The following TNKS1BP1 variants were observed in gnomAD, a reference collection of about 807,000 sequenced individuals.
The protein encoded by TNKS1BP1 is 182 kDa tankyrase-1-binding protein.
TNKS1BP1 carries 48 observed loss-of-function variants against 141.1 expected under a neutral mutation model. The ratio of observed to expected loss-of-function variants is 0.34; its 90% CI spans 0.27 to 0.43. TNKS1BP1 has a LOEUF of 0.43. TNKS1BP1 is among the 20% of genes least tolerant of loss of function. The pLI is 1.00. For missense variants in TNKS1BP1, 2,149 were observed against 2,226.0 expected (o/e 0.97, Z 0.70); for synonymous variants, 875 against 898.2 (o/e 0.97, Z 0.46).
At chr11:57,315,446 G>A (rs1379628862) in intron 4 of TNKS1BP1, among the ~76,000 whole-genome samples, 1 of 151,908 alleles carries the variant, frequency 6.6e-6, no homozygotes. Flanking sequence ...TTTAAATACA[G>A]CTCTCCAATA....
chr11:57,303,300 A>C (rs117326032), intron 6 of TNKS1BP1: 6,794 of 154,248 alleles, frequency 0.044, 245 homozygotes, highest in Non-Finnish European at 0.051. Flanking sequence ...TTCAGCCCCC[A>C]CGTTATGCCT....
chr11:57,300,264 G>C (rs1057215841), intron 11 of TNKS1BP1, among the ~76,000 whole-genome samples, 183 bp from the exon 12 acceptor site: 3 of 152,182 alleles, frequency 2.0e-5, no homozygotes, highest in Non-Finnish European at 2.9e-5. Context: ...AGCATGGGGG[G>C]ACTGTCCCTG....
chr11:57,322,503 C>G (rs1855904493), intron 1 of TNKS1BP1, among the ~76,000 whole-genome samples: 1 of 152,192 alleles, frequency 6.6e-6, no homozygotes, highest in East Asian at 1.9e-4. Context: ...GCCCCACTCT[C>G]TCCCCTCCCT....
At position 57,302,342 on chromosome 11, in the gene TNKS1BP1, G is replaced by T; in HGVS notation, c.4683+117C>A. 1 of 1,538,268 alleles carries T rather than the reference G, an allele frequency of 6.5e-7. No homozygotes were observed. The highest frequency in any genetic ancestry group is 8.8e-7 in the Non-Finnish European group (1 of 1,141,036). On this transcript the variant is annotated intron_variant, in intron 7 of 11. Coordinates refer to ENST00000358252, the MANE Select transcript of TNKS1BP1 (RefSeq NM_033396.3). The surrounding 1 kb of genome is among the most constrained non-coding windows in gnomAD (Gnocchi z 5.5). ...AGCCGGAGCTTCACGTTCACGTGAC[G>T]CACCTACAACCCGCTTTCTGCCTCC...
chr11:57,323,858 TC>T (rs1160107074), intron 1 of TNKS1BP1, among the ~76,000 whole-genome samples: 1 of 152,154 alleles, frequency 6.6e-6, no homozygotes, highest in Non-Finnish European at 1.5e-5. Flanking sequence ...ACCAAAAAAA[TC>T]CTTTCACCTG....
Position 57,302,124 on chromosome 11 carries a change from C to G in TNKS1BP1, c.4784G>C (p.Gly1595Ala). 6.2e-7 allele frequency: 1 copy of G among 1,613,906 alleles called. No homozygotes were observed. Among genetic ancestry groups the G allele is most frequent in the Non-Finnish European group, 8.5e-7 (1 of 1,179,986 alleles). The change falls in exon 8 of 12, where the codon GGC becomes GCC. Residue 1595 changes from glycine to alanine, a missense_variant. Transcript: ENST00000358252. This position sits in a 1 kb window ranked among gnomAD's most constrained non-coding sequence, Gnocchi z 5.5. Reference protein sequence around the residue: ...APVIRPGGTLGLSEAADSDAH... With the variant: ...APVIRPGGTLALSEAADSDAH... The stretch of plus-strand genomic sequence containing the variant: ...ATCCGAGTCTGCTGCCTCCGACAGG[C>G]CCAAGGTACCCCCAGGCCGAATGAC...
chr11:57,309,448 C>T lies in TNKS1BP1; in HGVS notation c.3263G>A (p.Gly1088Asp). Residue 1088 changes from glycine (G) to aspartate (D), a missense_variant, in exon 6 of 12, where the codon GGT becomes GAT. Gly to Asp is a moderately conservative substitution (Grantham distance 94). Coordinates refer to ENST00000358252, the MANE Select transcript of TNKS1BP1 (RefSeq NM_033396.3). The surrounding 1 kb of genome is among the most constrained non-coding windows in gnomAD (Gnocchi z 4.3). ...DGEMGKRGWV[G>D]EFSLSVGPQR... ...GGGGCCAACACTGAGGCTAAACTCACCGACCCAGCCTCGCTTTCCCATCTC... is the reference window on the plus strand; with the variant it reads ...GGGGCCAACACTGAGGCTAAACTCATCGACCCAGCCTCGCTTTCCCATCTC... The T allele has an allele frequency of 6.2e-7, 1 of 1,614,116 alleles. No individual in the cohort carries two copies. The highest frequency in any genetic ancestry group is 8.5e-7 in the Non-Finnish European group (1 of 1,180,024).
rs536720829 is a variant in TNKS1BP1, at chr11:57,308,463, C to T, written c.4248G>A (p.Ser1416=). 30 of 1,614,154 alleles carry T rather than the reference C, an allele frequency of 1.9e-5. 1 individual carries two copies. The East Asian group carries it at 3.6e-4, about 19-fold the overall frequency. The stretch of plus-strand genomic sequence containing the variant: ...CTGCAGGGTGTGGCTCCAAGGAAGA[C>T]GAGGAGTAATCTTCACCCTGGGTCT... ...GPETQGEDYS[S]SSLEPHPADP... is the part of the protein sequence containing the mutation. Residue 1416 remains serine (S), a synonymous_variant, in exon 6 of 12, where the codon TCG becomes TCA. Coordinates refer to ENST00000358252, the MANE Select transcript of TNKS1BP1 (RefSeq NM_033396.3).
intron 4 of TNKS1BP1, among the ~76,000 whole-genome samples, chr11:57,314,159 C>T (rs1313511239): frequency 1.3e-5 from 2 of 152,244 alleles, no homozygotes; most frequent in African/African-American, 4.8e-5. Context: ...GTGGTTGGAA[C>T]CCCTCACCCA....
At chr11:57,305,270 A>G (rs992166689) in intron 6 of TNKS1BP1, among the ~76,000 whole-genome samples, 4 of 152,234 alleles carry the variant, frequency 2.6e-5, no homozygotes, top group Non-Finnish European at 5.9e-5. Context: ...TGGGGATAAT[A>G]AAAGTACATA....
At position 57,308,550 on chromosome 11, in the gene TNKS1BP1, G is replaced by C. The variant is rs778739617; in HGVS notation, c.4161C>G (p.Gly1387=). 2 of 1,614,072 alleles carry C rather than the reference G, an allele frequency of 1.2e-6. No homozygotes were observed. Among genetic ancestry groups the C allele is most frequent in the Non-Finnish European group, 1.7e-6 (2 of 1,179,970 alleles). ...GLRHNGSLSP[G]LEARDPLEAR... ...CCTCCAAGGGGTCTCTGGCCTCCAGGCCAGGAGACAAGCTGCCATTGTGCC... is the reference window on the plus strand; with the variant it reads ...CCTCCAAGGGGTCTCTGGCCTCCAGCCCAGGAGACAAGCTGCCATTGTGCC... The change falls in exon 6 of 12, where the codon GGC becomes GGG. Residue 1387 remains glycine, a synonymous_variant. Transcript: ENST00000358252.
intron 4 of TNKS1BP1, among the ~76,000 whole-genome samples, chr11:57,315,274 G>A (rs73472522): frequency 0.052 from 7,792 of 150,414 alleles, 675 homozygotes; most frequent in African/African-American, 0.18. Flanking sequence ...TTTCCCCAAC[G>A]CCCTTATTTT....
chr11:57,322,052 AG>A (rs2134377096), intron 1 of TNKS1BP1, 102 bp from the exon 2 acceptor site: 2 of 551,176 alleles, frequency 3.6e-6, no homozygotes, highest in South Asian at 2.5e-5. Flanking sequence ...AGTGTGGGAC[AG>A]GAAGAGAGAA....
rs750968392 is a variant in TNKS1BP1, at chr11:57,302,900, T to G, written c.4317-75A>C. On this transcript the variant is annotated intron_variant, in intron 6 of 11. Coordinates refer to ENST00000358252, the MANE Select transcript of TNKS1BP1 (RefSeq NM_033396.3). The surrounding 1 kb of genome is among the most constrained non-coding windows in gnomAD (Gnocchi z 5.5). The stretch of plus-strand genomic sequence containing the variant: ...CTGCCCTGAAGCCTACTTCACAAGC[T>G]CCTTCCCCCAGCCCCCAAACTCTCC... 1.4e-6 allele frequency: 2 copies of G among 1,419,722 alleles called. No homozygotes were observed. The highest frequency in any genetic ancestry group is 1.8e-6 in the Non-Finnish European group (2 of 1,084,848). The allele number at this position is 1,419,722 out of a possible 1,614,324, so 87.9% of individuals were successfully genotyped here. A position where few individuals can be genotyped will look rare whatever the true frequency, so the allele number is the denominator to read the frequency against.
rs376800460 is a variant in TNKS1BP1 at position 57,320,666 on chromosome 11, C to A, written c.141G>T (p.Leu47=). The A allele has an allele frequency of 1.2e-6, 2 of 1,609,958 alleles. No homozygotes were observed. Residue 47 remains leucine (L), a synonymous_variant, in exon 3 of 12, where the codon CTG becomes CTT. Coordinates refer to ENST00000358252, the MANE Select transcript of TNKS1BP1 (RefSeq NM_033396.3). Reference sequence around the variant, plus strand: ...TGGCAGGCAGGGCTGGCTTGGCAGGCAGGGCCCGGGGTTTGGGCTTGACAG... The same window carrying A: ...TGGCAGGCAGGGCTGGCTTGGCAGGAAGGGCCCGGGGTTTGGGCTTGACAG... ...KPPVKPKPRA[L]PAKPALPAKP...
In TNKS1BP1 at chr11:57,302,960, A is replaced by G. The variant is rs1855551164; in HGVS notation, c.4317-135T>C. On this transcript the variant is annotated intron_variant, in intron 6 of 11. Transcript: ENST00000358252. The surrounding 1 kb of genome is among the most constrained non-coding windows in gnomAD (Gnocchi z 5.5). ...CTTCCCATGCTTTTTCCAGACTCCA[A>G]GGACACGGTCAGGGCCTTGAGCAAC... 4 of 1,136,444 alleles carry G rather than the reference A, an allele frequency of 3.5e-6. No homozygotes were observed. Among genetic ancestry groups the G allele is most frequent in the South Asian group, 2.0e-5 (1 of 50,512 alleles). 70.4% of individuals were successfully genotyped at this position (1,136,444 alleles called of 1,614,324 possible).
At chr11:57,310,812 C>G (rs1855695440) in intron 5 of TNKS1BP1, among the ~76,000 whole-genome samples, 1 of 152,146 alleles carries the variant, frequency 6.6e-6, no homozygotes, top group African/African-American at 2.4e-5. Context: ...CAGCATAGTG[C>G]TTGGCATGCA....
chr11:57,313,658 GC>G lies in TNKS1BP1; in HGVS notation c.1029del (p.Pro344LeufsTer48). On this transcript the variant is annotated frameshift_variant, in exon 5 of 12. Transcript: ENST00000358252. LOFTEE classifies it high-confidence loss of function. ...GGGGTGTGGCGGGAGCCCTCGTCAG[GC>G]AGGGCTGCACTTGGAGCTGATGGAG... ...AVTPSAPSAA[L>X]PDEGSRHTPS... 2 of 1,561,492 alleles carry G rather than the reference GC, an allele frequency of 1.3e-6. No individual in the cohort carries two copies. The highest frequency in any genetic ancestry group is 1.7e-6 in the Non-Finnish European group (2 of 1,152,698).
At chr11:57,320,027 A>ACCCCCC in intron 3 of TNKS1BP1, 52 bp downstream of exon 3, 1 of 578,372 alleles carries the variant, frequency 1.7e-6, no homozygotes, top group Non-Finnish European at 2.8e-6. Flanking sequence ...ACCCAATCCC[A>ACCCCCC]CCCCACCTGA....
Sources: allele counts gnomAD v4.1 joint callset (sites outside exome capture counted in the v4.1 genomes callset), GRCh38; gene constraint gnomAD v4.1.1; non-coding constraint Gnocchi (gnomAD v3.1); transcripts MANE v1.5; gene names NCBI Gene and HGNC (gene_info 2026-07-23, HGNC 2026-07-21).